Variants in HDAC5 observed in about 807,000 individuals in gnomAD.
HDAC5 encodes the protein antigen NY-CO-9.
In HDAC5, 25 loss-of-function variants were observed where a neutral mutation model predicts 133.3. The ratio of observed to expected loss-of-function variants is 0.19; its 90% CI spans 0.14 to 0.26. The LOEUF (loss-of-function observed/expected upper bound fraction) is 0.26, where lower values mean the gene tolerates loss of function less well. Ranked by LOEUF, HDAC5 falls within the 10% of genes least tolerant of loss-of-function variation. The probability of loss-of-function intolerance (pLI) is 1.00; values close to 1 mark genes in which losing one functional copy is unlikely to be tolerated. For missense variants in HDAC5, 1,041 were observed against 1,460.5 expected, an observed-to-expected ratio of 0.71 and a Z score of 4.68; for synonymous variants, 589 against 610.8, an observed-to-expected ratio of 0.96 and a Z score of 0.53.
Position 44,110,995 on chromosome 17 carries a change from G to T in HDAC5, c.23-195C>A, listed in dbSNP as rs1404730966. The T allele has an allele frequency of 5.2e-6, 3 of 579,664 alleles. No homozygotes were observed. The African/African-American group carries it at 5.6e-5, about 11-fold the overall frequency. The allele number at this position is 579,664 out of a possible 1,614,324, so 35.9% of individuals were successfully genotyped here. A position where few individuals can be genotyped will look rare whatever the true frequency, so the allele number is the denominator to read the frequency against. On this transcript the variant is annotated intron_variant, in intron 2 of 26. Transcript: ENST00000682912. Reference sequence around the variant, plus strand: ...GACGGGACCCACACTGTAGGGAAGTGCCTCATCCGGCCTGGGCACTCCTGG... The same window carrying T: ...GACGGGACCCACACTGTAGGGAAGTTCCTCATCCGGCCTGGGCACTCCTGG...
Position 44,083,821 on chromosome 17 carries a change from G to T in HDAC5, c.2339C>A (p.Pro780His). ...CCTACTCACCCCGATGCCCCCACAA[G>T]GCAGCACAGCATACATCTTCTGGCT... The part of the protein sequence containing the change: ...PISQKMYAVL[P>H]CGGIGVDSDT... The change falls in exon 17 of 27, where the codon CCT becomes CAT. Residue 780 changes from proline (P) to histidine (H), a missense_variant. Around this residue, in one of 9 missense-constraint regions of HDAC5, gnomAD observed 174 missense variants for 352.7 expected, o/e 0.49. Transcript: ENST00000682912. 6.3e-7 allele frequency: 1 copy of T among 1,588,942 alleles called. No homozygotes were observed. Among genetic ancestry groups the T allele is most frequent in the Non-Finnish European group, 8.6e-7 (1 of 1,164,058 alleles).
intron 14 of HDAC5, 63 bp downstream of exon 14, chr17:44,086,509 C>T: frequency 8.1e-7 from 1 of 1,240,976 alleles, no homozygotes; most frequent in Non-Finnish European, 1.0e-6. Context: ...TGCCATGGGG[C>T]AGACACCACA....
rs1432043623 is a variant in HDAC5, at chr17:44,095,747, G to A, written c.95-1913C>T. 2.6e-5 allele frequency among the ~76,000 whole-genome samples: 4 copies of A among 152,228 alleles called. No individual in the cohort carries two copies. The East Asian group carries it at 7.7e-4, about 29-fold the overall frequency. On this transcript the variant is annotated intron_variant, in intron 3 of 26. Transcript: ENST00000682912. ...GGATGGGCGGGCAGGCAGCAGGGAG[G>A]AGGTGGGAGGAGGAGACAGGAAAGG...
intron 13 of HDAC5, 72 bp from the exon 14 acceptor site, chr17:44,086,809 G>A: frequency 1.7e-6 from 2 of 1,175,948 alleles, no homozygotes; most frequent in East Asian, 3.1e-5. Flanking sequence ...CCCTGTCAGG[G>A]CCTCCAGTGG....
At chr17:44,090,479 A>C (rs1275300426) in intron 11 of HDAC5, among the ~76,000 whole-genome samples, 10 of 143,636 alleles carry the variant, frequency 7.0e-5, no homozygotes, top group Middle Eastern at 4.3e-3. Context: ...GGTTCAAGCA[A>C]TTTTCCTGCC....
Position 44,123,568 on chromosome 17 carries a change from A to G in HDAC5, c.-254T>C. The G allele has an allele frequency of 2.5e-6, 1 of 402,606 alleles. No individual in the cohort carries two copies. Among genetic ancestry groups the G allele is most frequent in the Non-Finnish European group, 4.3e-6 (1 of 230,036 alleles). The allele number at this position is 402,606 out of a possible 1,614,324, so 24.9% of individuals were successfully genotyped here. A position where few individuals can be genotyped will look rare whatever the true frequency, so the allele number is the denominator to read the frequency against. On this transcript the variant is annotated 5_prime_UTR_variant, in exon 1 of 27. Transcript: ENST00000682912. ...CAGCAGCGGCGGCGGCAGCGGCGGC[A>G]GCACCTCCTCGACGGCTCCTCCATC...
intron 1 of HDAC5, among the ~76,000 whole-genome samples, chr17:44,122,511 G>A (rs906949639): frequency 2.6e-5 from 4 of 152,062 alleles, no homozygotes; most frequent in African/African-American, 2.4e-5. Context: ...GGTCCCTTTT[G>A]CACCCTCCTA....
At chr17:44,083,741 G>A (rs1197856823) in intron 17 of HDAC5, 64 bp downstream of exon 17, 7 of 1,583,646 alleles carry the variant, frequency 4.4e-6, no homozygotes, top group Middle Eastern at 1.7e-4. Context: ...GGCTGTGGTA[G>A]GCAGGGAAGA....
intron 2 of HDAC5, among the ~76,000 whole-genome samples, chr17:44,115,590 T>A (rs1424354855): frequency 6.6e-6 from 1 of 152,122 alleles, no homozygotes. Context: ...ACTATCTCCC[T>A]GGCCCAGGGC....
intron 23 of HDAC5, among the ~76,000 whole-genome samples, chr17:44,079,878 C>T (rs973252314): frequency 2.3e-4 from 35 of 152,210 alleles, no homozygotes; most frequent in Non-Finnish European, 3.4e-4. Flanking sequence ...TCTACAGCTC[C>T]GGCAGGATAC....
intron 20 of HDAC5, 21 bp downstream of exon 20, chr17:44,082,564 C>T (rs766106081): frequency 4.7e-5 from 75 of 1,597,594 alleles, no homozygotes; most frequent in Non-Finnish European, 6.4e-5. Flanking sequence ...CCCTGCCCAG[C>T]CCCACCAGCT....
At chr17:44,092,033 G>T in intron 9 of HDAC5, 139 bp downstream of exon 9, 1 of 937,686 alleles carries the variant, frequency 1.1e-6, no homozygotes, top group East Asian at 2.6e-5. Flanking sequence ...GTCCAAGCAA[G>T]GATCCTCCAG....
intron 3 of HDAC5, among the ~76,000 whole-genome samples, chr17:44,105,814 G>GAC (rs1221771402): frequency 2.0e-5 from 3 of 152,186 alleles, no homozygotes; most frequent in African/African-American, 7.2e-5. Context: ...GGATGCTGAT[G>GAC]ACATCTACTG....
intron 16 of HDAC5, among the ~76,000 whole-genome samples, chr17:44,084,121 T>TAA (rs1479501966): frequency 0.012 from 1,772 of 146,838 alleles, 35 homozygotes; most frequent in African/African-American, 0.042. Flanking sequence ...CAAGACTGTC[T>TAA]CAAAAAAAAA....
rs774437839 is a variant in HDAC5 at position 44,091,724 on chromosome 17, G to T, written c.1140C>A (p.Val380=). Residue 380 remains valine (V), a synonymous_variant, in exon 10 of 27, where the codon GTC becomes GTA. Transcript: ENST00000682912. Reference sequence around the variant, plus strand: ...CAGTGAGGTGTGAGTTGGTGACAGTGACCGTGGCCTGCAGCCCTAGGGAGA... The same window carrying T: ...CAGTGAGGTGTGAGTTGGTGACAGTTACCGTGGCCTGCAGCCCTAGGGAGA... ...PNISLGLQAT[V]TVTNSHLTAS... 6.3e-6 allele frequency: 10 copies of T among 1,583,142 alleles called. No individual in the cohort carries two copies. The South Asian group carries it at 1.2e-4, about 18-fold the overall frequency.
intron 2 of HDAC5, among the ~76,000 whole-genome samples, chr17:44,113,241 T>G (rs1567688536): frequency 6.6e-6 from 1 of 152,130 alleles, no homozygotes; most frequent in Non-Finnish European, 1.5e-5. Flanking sequence ...CCCCAGAACC[T>G]GGAGCACCCA....
chr17:44,108,964 G>A (rs987386096), intron 3 of HDAC5, among the ~76,000 whole-genome samples: 1 of 151,850 alleles, frequency 6.6e-6, no homozygotes, highest in South Asian at 2.1e-4. Flanking sequence ...GGGGTGGAGT[G>A]GGGAGACAGG....
chr17:44,103,520 A>C (rs2051745810), intron 3 of HDAC5, among the ~76,000 whole-genome samples: 1 of 152,172 alleles, frequency 6.6e-6, no homozygotes, highest in Non-Finnish European at 1.5e-5. Flanking sequence ...GTAAACTGGC[A>C]GGCAGAACAG....
chr17:44,118,746 A>C (rs889716799), intron 1 of HDAC5, among the ~76,000 whole-genome samples: 3 of 152,116 alleles, frequency 2.0e-5, no homozygotes, highest in Non-Finnish European at 1.5e-5. Context: ...CAATGAAAGC[A>C]AGGTAGCAGG....
Sources: allele counts gnomAD v4.1 joint callset (sites outside exome capture counted in the v4.1 genomes callset), GRCh38; gene constraint gnomAD v4.1.1; regional missense constraint gnomAD v4.1.1; transcripts MANE v1.5; gene names NCBI Gene and HGNC (gene_info 2026-07-23, HGNC 2026-07-21).